The following DCC variants were observed in gnomAD, a reference collection of about 807,000 sequenced individuals.
DCC encodes DCC netrin 1 receptor, also known as netrin receptor DCC.
Under a neutral mutation model 172.5 loss-of-function variants are expected in DCC, and 58 were observed. The observed-to-expected ratio is 0.34, with a 90% CI of 0.27 to 0.42. The LOEUF (loss-of-function observed/expected upper bound fraction) is 0.42, where lower values mean the gene tolerates loss of function less well. Ranked by LOEUF, DCC falls within the 10% of genes least tolerant of loss-of-function variation. DCC has a pLI of 1.00. For synonymous variants in DCC, 709 were observed against 644.5 expected, an observed-to-expected ratio of 1.10 and a Z score of -1.52; for missense variants, 1,740 against 1,791.0, an observed-to-expected ratio of 0.97 and a Z score of 0.51.
At chr18:53,072,732 C>A (rs976090795) in intron 7 of DCC, among the ~76,000 whole-genome samples, 2 of 152,058 alleles carry the variant, frequency 1.3e-5, no homozygotes, top group African/African-American at 4.8e-5. Flanking sequence ...AGATATTTCC[C>A]AAAATGTTGG....
At chr18:52,909,899 A>G (rs533639893) in intron 3 of DCC, among the ~76,000 whole-genome samples, 1 of 152,312 alleles carries the variant, frequency 6.6e-6, no homozygotes, top group East Asian at 1.9e-4. Flanking sequence ...AGCAATACCA[A>G]CAAGTACTAG....
At chr18:53,279,286 G>T (rs2056840588) in intron 12 of DCC, among the ~76,000 whole-genome samples, 1 of 151,922 alleles carries the variant, frequency 6.6e-6, no homozygotes, top group Admixed American at 6.6e-5. Context: ...AGAAAATGTG[G>T]CACATATACA....
At chr18:53,333,097 C>A (rs569442850) in intron 14 of DCC, among the ~76,000 whole-genome samples, 81 of 148,978 alleles carry the variant, frequency 5.4e-4, no homozygotes, top group African/African-American at 2.0e-3. Flanking sequence ...AGAATATTGA[C>A]AAAATATTAG....
rs190216341 is a variant in DCC, at chr18:53,396,683, G to T, written c.2689-625G>T. ...TAAATGGATTCTGGAAGCACTAAAA[G>T]TTTAAACCTTAAAGGCTTTTTGAGA... On this transcript the variant is annotated intron_variant, in intron 17 of 28. Coordinates refer to ENST00000442544, the MANE Select transcript of DCC (RefSeq NM_005215.4). Among the ~76,000 whole-genome samples the T allele has an allele frequency of 4.6e-5, 7 of 152,258 alleles. No homozygotes were observed. In the East Asian group the frequency reaches 1.3e-3, roughly 29 times the overall value.
chr18:53,348,932 C>A (rs72927231), intron 15 of DCC, among the ~76,000 whole-genome samples: 3 of 152,180 alleles, frequency 2.0e-5, no homozygotes, highest in African/African-American at 7.2e-5. Context: ...TCTGACCAGC[C>A]CTGGAGACAT....
chr18:53,467,856 TGAA>T, intron 24 of DCC, 35 bp from the exon 25 acceptor site: 3 of 1,028,652 alleles, frequency 2.9e-6, no homozygotes, highest in Non-Finnish European at 4.6e-6. Context: ...GTTGCATCCT[TGAA>T]GAGGGCATGT....
intron 12 of DCC, among the ~76,000 whole-genome samples, chr18:53,251,322 C>A (rs2056429641): frequency 6.6e-6 from 1 of 151,924 alleles, no homozygotes; most frequent in South Asian, 2.1e-4. Flanking sequence ...CAATATCTGT[C>A]TTTTGTTTTG....
intron 2 of DCC, among the ~76,000 whole-genome samples, chr18:52,840,574 A>G (rs1047699074): frequency 9.9e-5 from 15 of 152,124 alleles, no homozygotes; most frequent in Non-Finnish European, 1.9e-4. Context: ...TAACCTAACG[A>G]AACTGTCCCA....
intron 12 of DCC, among the ~76,000 whole-genome samples, chr18:53,228,260 A>T (rs1483156251): frequency 6.6e-6 from 1 of 151,210 alleles, no homozygotes; most frequent in African/African-American, 2.4e-5. Flanking sequence ...TAGTAAAAAA[A>T]TAAAAATAAA....
intron 26 of DCC, among the ~76,000 whole-genome samples, chr18:53,490,069 A>AT (rs1162484653): frequency 1.3e-5 from 2 of 152,104 alleles, no homozygotes; most frequent in African/African-American, 4.8e-5. Context: ...TAGTTCTGAC[A>AT]TTGTCTTAAC....
At chr18:52,496,154 G>A (rs1014744897) in intron 1 of DCC, among the ~76,000 whole-genome samples, 1 of 151,962 alleles carries the variant, frequency 6.6e-6, no homozygotes, top group Non-Finnish European at 1.5e-5. Context: ...GTAAAATCAC[G>A]AATCCCCCCA....
intron 2 of DCC, among the ~76,000 whole-genome samples, chr18:52,785,526 G>A (rs1211313275): frequency 6.6e-6 from 1 of 151,886 alleles, no homozygotes; most frequent in African/African-American, 2.4e-5. Context: ...TGCTGAAAGG[G>A]GTATCATGTG....
chr18:52,909,423 G>A (rs1257088893), intron 3 of DCC, among the ~76,000 whole-genome samples: 1 of 152,104 alleles, frequency 6.6e-6, no homozygotes, highest in Non-Finnish European at 1.5e-5. Context: ...TTTAGTTTGA[G>A]ATGTAGATGT....
At chr18:53,197,059 G>GA (rs896163538) in intron 9 of DCC, among the ~76,000 whole-genome samples, 3 of 151,778 alleles carry the variant, frequency 2.0e-5, no homozygotes, top group South Asian at 2.1e-4. Flanking sequence ...AACTACAGGA[G>GA]AAAAAAAATC....
chr18:52,842,425 C>G (rs961954558), intron 2 of DCC, among the ~76,000 whole-genome samples: 1 of 152,114 alleles, frequency 6.6e-6, no homozygotes, highest in Non-Finnish European at 1.5e-5. Flanking sequence ...ACCAACTTGT[C>G]AGTCAGGTAG....
intron 1 of DCC, among the ~76,000 whole-genome samples, chr18:52,602,867 G>A (rs2034047326): frequency 6.6e-6 from 1 of 152,204 alleles, no homozygotes; most frequent in South Asian, 2.1e-4. Context: ...AATTAAAGGT[G>A]CAGGTTATTG....
intron 2 of DCC, among the ~76,000 whole-genome samples, chr18:52,796,486 T>C (rs979711022): frequency 4.6e-5 from 7 of 152,156 alleles, no homozygotes; most frequent in Admixed American, 4.6e-4. Context: ...TTTTAAACAT[T>C]TTTTGTAGGA....
chr18:52,648,835 C>T (rs1598986244), intron 1 of DCC, among the ~76,000 whole-genome samples: 1 of 152,238 alleles, frequency 6.6e-6, no homozygotes, highest in Admixed American at 6.5e-5. Context: ...ACACCTTGGG[C>T]TCTGAGGGCC....
At chr18:53,049,407 A>G (rs2042303758) in intron 5 of DCC, among the ~76,000 whole-genome samples, 1 of 152,112 alleles carries the variant, frequency 6.6e-6, no homozygotes. Context: ...GCATATGGCT[A>G]GGCAGTTATT....
Sources: allele counts gnomAD v4.1 joint callset (sites outside exome capture counted in the v4.1 genomes callset), GRCh38; gene constraint gnomAD v4.1.1; transcripts MANE v1.5; gene names NCBI Gene and HGNC (gene_info 2026-07-23, HGNC 2026-07-21).